The following SSRP1 variants were observed in gnomAD, a reference collection of about 807,000 sequenced individuals.
SSRP1 encodes the protein structure specific recognition protein 1, also known as FACT complex subunit SSRP1.
A neutral mutation model predicts 84.4 loss-of-function variants in SSRP1; 21 were observed. That is an observed-to-expected ratio of 0.25 (90% CI 0.18 to 0.36). The LOEUF is 0.36. Ranked by LOEUF, SSRP1 falls within the 10% of genes least tolerant of loss-of-function variation. The pLI is 1.00. For synonymous variants in SSRP1, 319 were observed against 318.3 expected (o/e 1.00, Z -0.02); for missense variants, 519 against 900.8 (o/e 0.58, Z 5.43).
rs984451269 is a variant in SSRP1 at position 57,335,452 on chromosome 11, C to T, written c.-119-212G>A. On this transcript the variant is annotated intron_variant, in intron 1 of 16. Transcript: ENST00000278412. The surrounding 1 kb of genome is among the most constrained non-coding windows in gnomAD (Gnocchi z 4.6). ...TACCGCTGACACCCAACCCGACGCC[C>T]GCTCTGGCCGCTCCGGCGGGAGCCA... 29 of 323,396 alleles carry T rather than the reference C, an allele frequency of 9.0e-5. No homozygotes were observed. Among genetic ancestry groups the T allele is most frequent in the Non-Finnish European group, 1.6e-4 (26 of 164,368 alleles). The allele number at this position is 323,396 out of a possible 1,614,324, so 20.0% of individuals were successfully genotyped here. A position where few individuals can be genotyped will look rare whatever the true frequency, so the allele number is the denominator to read the frequency against.
rs751743285 is a variant in SSRP1 at position 57,328,417 on chromosome 11, G to A, written c.1491C>T (p.Ser497=). Residue 497 remains serine (S), a synonymous_variant, in exon 13 of 17, where the codon AGC becomes AGT. Transcript: ENST00000278412. ...TACTGGAGGAGCTGGCAGAGGCGTT[G>A]CTGTCAAACCTGCCAGAGAACAAGC... is the stretch of plus-strand genomic sequence containing the variant. ...EEEDVAEEFD[S]NASASSSSNE... is the part of the protein sequence containing the mutation. 1 of 1,614,052 alleles carries A rather than the reference G, an allele frequency of 6.2e-7. No individual in the cohort carries two copies. Among genetic ancestry groups the A allele is most frequent in the East Asian group, 2.2e-5 (1 of 44,900 alleles).
chr11:57,335,304 C>T lies in SSRP1; in HGVS notation c.-119-64G>A, dbSNP rs1400370132. 2 of 638,096 alleles carry T rather than the reference C, an allele frequency of 3.1e-6. No individual in the cohort carries two copies. Among genetic ancestry groups the T allele is most frequent in the African/African-American group, 1.8e-5 (1 of 54,844 alleles). The allele number at this position is 638,096 out of a possible 1,614,324, so 39.5% of individuals were successfully genotyped here. On this transcript the variant is annotated intron_variant, in intron 1 of 16. Transcript: ENST00000278412. The surrounding 1 kb of genome is among the most constrained non-coding windows in gnomAD (Gnocchi z 4.6). Reference sequence around the variant, plus strand: ...CACCTCGCTGTGCTCACGGATGGAGCCAGGTAGCAACTCCCAGCTGCGCCT... The same window carrying T: ...CACCTCGCTGTGCTCACGGATGGAGTCAGGTAGCAACTCCCAGCTGCGCCT...
chr11:57,326,640 C>T, intron 16 of SSRP1, 63 bp downstream of exon 16: 1 of 1,591,846 alleles, frequency 6.3e-7, no homozygotes. Flanking sequence ...TACAGACCAA[C>T]CCCACACAGA....
At position 57,335,790 on chromosome 11, in the gene SSRP1, C is replaced by CG. The variant is rs879833153; in HGVS notation, c.-181dup. ...GAGAGGTGGGCGCGCTGGGGGGACG[C>CG]GGGGGGGGCGCGGGGAGGGGGATGG... On this transcript the variant is annotated 5_prime_UTR_variant, in exon 1 of 17. Coordinates refer to ENST00000278412, the MANE Select transcript of SSRP1 (RefSeq NM_003146.3). This position sits in a 1 kb window ranked among gnomAD's most constrained non-coding sequence, Gnocchi z 4.6. 4,460 of 150,384 alleles carry CG rather than the reference C, an allele frequency of 0.03. 76 individuals are homozygous for CG. Among genetic ancestry groups the CG allele is most frequent in the Admixed American group, 0.04 (606 of 15,166 alleles). 9.3% of individuals were successfully genotyped at this position (150,384 alleles called of 1,614,324 possible).
At chr11:57,333,645 G>A in intron 3 of SSRP1, 105 bp from the exon 4 acceptor site, 1 of 801,838 alleles carries the variant, frequency 1.2e-6, no homozygotes, top group South Asian at 1.6e-5. Context: ...CCCCAAATAG[G>A]CTTTATAAGA....
intron 12 of SSRP1, chr11:57,329,453 A>G (rs1392843489): frequency 1.3e-5 from 2 of 155,446 alleles, no homozygotes; most frequent in Non-Finnish European, 2.9e-5. Context: ...CAAAAGAGGC[A>G]CTTCTGGTGT....
intron 12 of SSRP1, chr11:57,328,733 G>T: frequency 3.7e-6 from 1 of 266,940 alleles, no homozygotes; most frequent in Non-Finnish European, 7.1e-6. Flanking sequence ...TCCATCCCCA[G>T]GACACCACTG....
intron 12 of SSRP1, chr11:57,329,477 T>G (rs566679674): frequency 6.4e-6 from 1 of 156,786 alleles, no homozygotes; most frequent in African/African-American, 2.4e-5. Context: ...TTTAAACCAG[T>G]AGGATTAAGC....
intron 15 of SSRP1, 49 bp downstream of exon 15, chr11:57,327,377 A>T: frequency 6.3e-7 from 1 of 1,585,138 alleles, no homozygotes; most frequent in Non-Finnish European, 8.6e-7. Context: ...TTAAAAAAAA[A>T]AAAGTCTGCC....
Position 57,327,799 on chromosome 11 carries a change from G to T in SSRP1, c.1695C>A (p.Ile565=), listed in dbSNP as rs1175908830. The change falls in exon 14 of 17, where the codon ATC becomes ATA. Residue 565 remains isoleucine, a synonymous_variant. Transcript: ENST00000278412. ...MLWLNASREK[I]KSDHPGISIT... The stretch of plus-strand genomic sequence containing the variant: ...TGCTGATGCCAGGATGGTCTGACTT[G>T]ATCTTCTCTCGGCTGGCATTGAGCC... 6.2e-7 allele frequency: 1 copy of T among 1,614,084 alleles called. No individual in the cohort carries two copies. The highest frequency in any genetic ancestry group is 1.7e-5 in the Admixed American group (1 of 60,016).
In SSRP1 at chr11:57,330,366, C is replaced by G. The variant is rs745630542; in HGVS notation, c.1360G>C (p.Glu454Gln). 6.2e-7 allele frequency: 1 copy of G among 1,614,208 alleles called. No homozygotes were observed. Among genetic ancestry groups the G allele is most frequent in the Non-Finnish European group, 8.5e-7 (1 of 1,180,038 alleles). ...SDEDQHDAYL[E>Q]RMKEEGKIRE... is the part of the protein sequence containing the mutation. ...ATCTTGCCTTCCTCCTTCATCCTCTCCAAGTAGGCATCATGCTGGTCCTCA... is the reference window on the plus strand; with the variant it reads ...ATCTTGCCTTCCTCCTTCATCCTCTGCAAGTAGGCATCATGCTGGTCCTCA... Residue 454 changes from glutamate to glutamine, a missense_variant, in exon 11 of 17, where the codon GAG (glutamate) becomes CAG (glutamine). Physicochemically the swap from Glu to Gln is conservative, Grantham distance 29 (BLOSUM62 2). Coordinates refer to ENST00000278412, the MANE Select transcript of SSRP1 (RefSeq NM_003146.3). This position sits in a 1 kb window ranked among gnomAD's most constrained non-coding sequence, Gnocchi z 4.0.
Position 57,328,294 on chromosome 11 carries a change from C to T in SSRP1, c.1611+3G>A. On this transcript the variant is annotated splice_donor_region_variant and intron_variant, in intron 13 of 16. Coordinates refer to ENST00000278412, the MANE Select transcript of SSRP1 (RefSeq NM_003146.3). ...CACAGGCCCTCCCATCTACAGTCTG[C>T]ACCTCCACAGGCTTCTTGCGGCTCT... 1 of 1,613,914 alleles carries T rather than the reference C, an allele frequency of 6.2e-7. No individual in the cohort carries two copies. The highest frequency in any genetic ancestry group is 8.5e-7 in the Non-Finnish European group (1 of 1,179,844).
At chr11:57,327,561 T>C in intron 14 of SSRP1, 47 bp from the exon 15 acceptor site, 1 of 1,609,650 alleles carries the variant, frequency 6.2e-7, no homozygotes, top group Non-Finnish European at 8.5e-7. Flanking sequence ...ACCTCTCCCA[T>C]CTCCCCTCTC....
intron 15 of SSRP1, 171 bp downstream of exon 15, chr11:57,327,255 A>G (rs1856003962): frequency 1.2e-5 from 9 of 741,304 alleles, no homozygotes; most frequent in Middle Eastern, 2.8e-4. Context: ...TGAATGCCCT[A>G]TTGTGTCACC....
In SSRP1 at chr11:57,332,937, A is replaced by C. The variant is rs913074789; in HGVS notation, c.537+22T>G. On this transcript the variant is annotated intron_variant, in intron 5 of 16. Transcript: ENST00000278412. This position sits in a 1 kb window ranked among gnomAD's most constrained non-coding sequence, Gnocchi z 5.5. Reference sequence around the variant, plus strand: ...GCCTGCTCAGCACCATCTGCTGCCAAGGCAACCAGGGGAAGCCTCACCTCA... The same window carrying C: ...GCCTGCTCAGCACCATCTGCTGCCACGGCAACCAGGGGAAGCCTCACCTCA... 2.4e-5 allele frequency: 38 copies of C among 1,600,248 alleles called. No homozygotes were observed. The highest frequency in any genetic ancestry group is 3.4e-5 in the Admixed American group (2 of 59,536).
intron 13 of SSRP1, 57 bp from the exon 14 acceptor site, chr11:57,327,939 A>G: frequency 6.3e-7 from 1 of 1,578,922 alleles, no homozygotes; most frequent in Non-Finnish European, 8.6e-7. Context: ...ACATTTTCCC[A>G]AATAAATTAT....
intron 4 of SSRP1, 106 bp downstream of exon 4, chr11:57,333,329 A>C: frequency 8.5e-7 from 1 of 1,180,662 alleles, no homozygotes; most frequent in Non-Finnish European, 1.2e-6. Context: ...ATGCAAATAG[A>C]TAGGAAACCA....
In SSRP1 at chr11:57,335,799, C is replaced by T. The variant is rs1402814654; in HGVS notation, c.-189G>A. On this transcript the variant is annotated 5_prime_UTR_variant, in exon 1 of 17. Transcript: ENST00000278412. This position sits in a 1 kb window ranked among gnomAD's most constrained non-coding sequence, Gnocchi z 4.6. ...GCGCGCTGGGGGGACGCGGGGGGGG[C>T]GCGGGGAGGGGGATGGGGGGACACC... The T allele has an allele frequency of 9.2e-5, 14 of 151,354 alleles. No homozygotes were observed. The highest frequency in any genetic ancestry group is 2.9e-5 in the Non-Finnish European group (2 of 67,798). 9.4% of individuals were successfully genotyped at this position (151,354 alleles called of 1,614,324 possible).
At chr11:57,331,110 T>C (rs1270211097) in intron 9 of SSRP1, among the ~76,000 whole-genome samples, 183 bp from the exon 10 acceptor site, 1 of 152,146 alleles carries the variant, frequency 6.6e-6, no homozygotes, top group Non-Finnish European at 1.5e-5. Context: ...AGCCAGACAT[T>C]AGTCCTGAAA....
Sources: allele counts gnomAD v4.1 joint callset (sites outside exome capture counted in the v4.1 genomes callset), GRCh38; gene constraint gnomAD v4.1.1; non-coding constraint Gnocchi (gnomAD v3.1); transcripts MANE v1.5; gene names NCBI Gene and HGNC (gene_info 2026-07-23, HGNC 2026-07-21).